Variants in ZYG11B observed in about 807,000 individuals in gnomAD.
The protein encoded by ZYG11B is protein zyg-11 homolog B.
ZYG11B carries 36 observed loss-of-function variants against 82.4 expected under a neutral mutation model. The observed-to-expected ratio is 0.44, with a 90% CI of 0.33 to 0.58. The LOEUF (loss-of-function observed/expected upper bound fraction) is 0.58. Among genes scored for constraint, ZYG11B ranks in the 20% least tolerant of loss-of-function variants. The pLI is 0.02. For missense variants in ZYG11B, 552 were observed against 895.6 expected (o/e 0.62, Z 4.90); for synonymous variants, 303 against 312.8 (o/e 0.97, Z 0.33).
chr1:52,748,619 T>C (rs944895512), intron 1 of ZYG11B, among the ~76,000 whole-genome samples: 3 of 152,206 alleles, frequency 2.0e-5, no homozygotes, highest in Non-Finnish European at 2.9e-5. Flanking sequence ...TCCCAGCACT[T>C]TGGGAGTCCG....
chr1:52,754,959 C>CT (rs34416689), intron 1 of ZYG11B, among the ~76,000 whole-genome samples: 59,338 of 126,618 alleles, frequency 0.47, 14,506 homozygotes, highest in East Asian at 0.63. Flanking sequence ...AAAGCCTATT[C>CT]TTTTTTTTTT....
chr1:52,745,654 T>G (rs1374560264), intron 1 of ZYG11B, among the ~76,000 whole-genome samples: 1 of 151,420 alleles, frequency 6.6e-6, no homozygotes, highest in Non-Finnish European at 1.5e-5. Flanking sequence ...AACCTCTGCC[T>G]CCCGGTTCAA....
intron 6 of ZYG11B, among the ~76,000 whole-genome samples, chr1:52,795,956 T>C (rs1358498551): frequency 6.6e-6 from 1 of 152,182 alleles, no homozygotes; most frequent in Non-Finnish European, 1.5e-5. Context: ...TTAGGTGCTA[T>C]GAGGAACCCA....
intron 1 of ZYG11B, among the ~76,000 whole-genome samples, chr1:52,735,866 C>T (rs1164779946): frequency 1.3e-5 from 2 of 152,110 alleles, no homozygotes; most frequent in Non-Finnish European, 2.9e-5. Flanking sequence ...CTTTTTAACA[C>T]TGAAAACCTT....
At chr1:52,762,986 G>T (rs1249452779) in intron 2 of ZYG11B, among the ~76,000 whole-genome samples, 5 of 138,148 alleles carry the variant, frequency 3.6e-5, no homozygotes, top group Admixed American at 2.2e-4. Flanking sequence ...TGGGGGGGGG[G>T]GGTCTAGTTT....
At position 52,771,856 on chromosome 1, in the gene ZYG11B, A is replaced by C. The variant is rs1204762415; in HGVS notation, c.951+82A>C. The stretch of plus-strand genomic sequence containing the variant: ...GACTCTATTAAAGATGAATGTCTGT[A>C]ATATATGGAACATGTTCATGAAACA... On this transcript the variant is annotated intron_variant, in intron 3 of 13. Transcript: ENST00000294353. The surrounding 1 kb of genome is among the most constrained non-coding windows in gnomAD (Gnocchi z 5.4). 2 of 1,444,612 alleles carry C rather than the reference A, an allele frequency of 1.4e-6. No individual in the cohort carries two copies. The highest frequency in any genetic ancestry group is 2.9e-5 in the African/African-American group (2 of 70,146). 89.5% of individuals were successfully genotyped at this position (1,444,612 alleles called of 1,614,324 possible).
chr1:52,755,210 C>T (rs1013787655), intron 1 of ZYG11B, among the ~76,000 whole-genome samples: 2 of 152,100 alleles, frequency 1.3e-5, no homozygotes, highest in African/African-American at 2.4e-5. Flanking sequence ...ATCCGCCCAC[C>T]TCGGCCTCCC....
intron 2 of ZYG11B, among the ~76,000 whole-genome samples, chr1:52,760,218 G>A (rs1018667362): frequency 3.3e-5 from 5 of 152,184 alleles, no homozygotes; most frequent in Non-Finnish European, 5.9e-5. Flanking sequence ...CAAGGCAGGC[G>A]ATCCGCCTGA....
At chr1:52,800,882 T>A (rs1442891181) in intron 8 of ZYG11B, among the ~76,000 whole-genome samples, 1 of 151,984 alleles carries the variant, frequency 6.6e-6, no homozygotes, top group Non-Finnish European at 1.5e-5. Context: ...GTTTCTTCAG[T>A]TTTTTTTCCT....
At chr1:52,756,000 A>G (rs1221829700) in intron 1 of ZYG11B, among the ~76,000 whole-genome samples, 2 of 152,100 alleles carry the variant, frequency 1.3e-5, no homozygotes, top group African/African-American at 2.4e-5. Flanking sequence ...GGGTTTTGCC[A>G]TGTTGGCCAG....
chr1:52,803,133 T>C (rs866866820), intron 10 of ZYG11B, among the ~76,000 whole-genome samples: 1,294 of 65,246 alleles, frequency 0.02, 74 homozygotes, highest in African/African-American at 0.055. Flanking sequence ...CATATATATA[T>C]ACACACATAT....
rs869260265 is a variant in ZYG11B at position 52,817,777 on chromosome 1, GTATATATATATATATATATATA to G, written c.2044+1166_2044+1187del. On this transcript the variant is annotated intron_variant, in intron 13 of 13. Transcript: ENST00000294353. Reference sequence around the variant, plus strand: ...AATAGTAAAGTGTGTATATATATGTGTATATATATATATATATATATATATATATATATATATATTTTTTTTT... The same window carrying G: ...AATAGTAAAGTGTGTATATATATGTGTATATATATATATATATTTTTTTTT... Among the ~76,000 whole-genome samples, 52 of 41,538 alleles carry G rather than the reference GTATATATATATATATATATATA, an allele frequency of 1.3e-3. 1 individual carries two copies. The highest frequency in any genetic ancestry group is 1.5e-3 in the Non-Finnish European group (40 of 25,818). The allele number at this position is 41,538 out of a possible 152,430, so 27.3% of individuals were successfully genotyped here.
rs1644979935 is a variant in ZYG11B, at chr1:52,793,868, T to TTCCTTCCTTCCTTCC, written c.1335-2423_1335-2422insCCTTCCTTCCTTCCT. Among the ~76,000 whole-genome samples, 141 of 95,492 alleles carry TTCCTTCCTTCCTTCC rather than the reference T, an allele frequency of 1.5e-3. 1 individual carries two copies. Among genetic ancestry groups the TTCCTTCCTTCCTTCC allele is most frequent in the African/African-American group, 5.6e-3 (134 of 23,736 alleles). 62.6% of individuals were successfully genotyped at this position (95,492 alleles called of 152,430 possible). The stretch of plus-strand genomic sequence containing the variant: ...TTTCTTTCTTTCTTCCTTTTCTTTC[T>TTCCTTCCTTCCTTCC]TTCCTTCCTTCCTTCCTTCCTTCCT... On this transcript the variant is annotated intron_variant, in intron 6 of 13. Coordinates refer to ENST00000294353, the MANE Select transcript of ZYG11B (RefSeq NM_024646.3).
At chr1:52,797,403 AAT>A (rs1404053500) in intron 8 of ZYG11B, among the ~76,000 whole-genome samples, 3 of 95,950 alleles carry the variant, frequency 3.1e-5, no homozygotes, top group Non-Finnish European at 3.6e-5. Flanking sequence ...TCATATATGA[AAT>A]ATATATCATA....
Position 52,779,996 on chromosome 1 carries a change from A to T in ZYG11B, c.1092+3A>T. On this transcript the variant is annotated splice_donor_region_variant and intron_variant, in intron 4 of 13. Coordinates refer to ENST00000294353, the MANE Select transcript of ZYG11B (RefSeq NM_024646.3). ...AAACAAAGCCAGAAATTTTAAAGGTAAGAATAAGAAACTGGATATGAAATT... is the reference window on the plus strand; with the variant it reads ...AAACAAAGCCAGAAATTTTAAAGGTTAGAATAAGAAACTGGATATGAAATT... 1 of 1,609,606 alleles carries T rather than the reference A, an allele frequency of 6.2e-7. No homozygotes were observed. Among genetic ancestry groups the T allele is most frequent in the Non-Finnish European group, 8.5e-7 (1 of 1,178,712 alleles).
chr1:52,776,229 A>AAAAAAAAAAATATATAC, intron 3 of ZYG11B, among the ~76,000 whole-genome samples: 2 of 23,534 alleles, frequency 8.5e-5, no homozygotes, highest in East Asian at 1.3e-3. Flanking sequence ...TAAAAAAAAA[A>AAAAAAAAAAATATATAC]ATATATATAT....
At chr1:52,730,853 AAAAAT>A (rs1644325151) in intron 1 of ZYG11B, among the ~76,000 whole-genome samples, 1 of 151,386 alleles carries the variant, frequency 6.6e-6, no homozygotes. Flanking sequence ...AAAAAAAAAA[AAAAAT>A]AGAAAGGAAA....
intron 8 of ZYG11B, among the ~76,000 whole-genome samples, chr1:52,797,435 AAC>A (rs1462033245): frequency 1.1e-5 from 1 of 88,266 alleles, no homozygotes; most frequent in African/African-American, 3.8e-5. Flanking sequence ...TATTATATAT[AAC>A]ATATATATTA....
intron 3 of ZYG11B, among the ~76,000 whole-genome samples, chr1:52,776,229 A>AAAAAATATATATAT: frequency 4.2e-5 from 1 of 23,538 alleles, no homozygotes; most frequent in East Asian, 6.7e-4. Context: ...TAAAAAAAAA[A>AAAAAATATATATAT]ATATATATAT....
Sources: allele counts gnomAD v4.1 joint callset (sites outside exome capture counted in the v4.1 genomes callset), GRCh38; gene constraint gnomAD v4.1.1; non-coding constraint Gnocchi (gnomAD v3.1); transcripts MANE v1.5; gene names NCBI Gene and HGNC (gene_info 2026-07-23, HGNC 2026-07-21).